The following MGA variants were observed in gnomAD, a reference collection of about 807,000 sequenced individuals.
MGA encodes the protein MAX dimerization protein MGA.
A neutral mutation model predicts 261.1 loss-of-function variants in MGA; 40 were observed. The ratio of observed to expected loss-of-function variants is 0.15; its 90% CI spans 0.12 to 0.20. The LOEUF (loss-of-function observed/expected upper bound fraction) is 0.20. Among genes scored for constraint, MGA ranks in the 10% least tolerant of loss-of-function variants. MGA has a pLI of 1.00. For synonymous variants in MGA, 1,302 were observed against 1,290.6 expected (o/e 1.01, Z -0.19); for missense variants, 3,397 against 3,630.5 (o/e 0.94, Z 1.65).
chr15:41,754,680 C>CT, intron 18 of MGA, 113 bp downstream of exon 18: 2 of 1,249,176 alleles, frequency 1.6e-6, no homozygotes, highest in Admixed American at 6.7e-5. Context: ...CTTCCTCTAG[C>CT]TTTTTTTCTG....
chr15:41,748,547 CTG>C, intron 15 of MGA, 88 bp from the exon 16 acceptor site: 4 of 1,408,794 alleles, frequency 2.8e-6, no homozygotes, highest in South Asian at 2.8e-5. Context: ...CAAAGCAAGA[CTG>C]TGTCTTAAAA....
intron 2 of MGA, chr15:41,691,601 T>C: frequency 2.0e-6 from 1 of 510,980 alleles, no homozygotes; most frequent in South Asian, 1.5e-5. Context: ...ATATTTGTCT[T>C]ATTTGAGAGC....
intron 18 of MGA, among the ~76,000 whole-genome samples, chr15:41,756,664 A>G (rs987434287): frequency 6.6e-6 from 1 of 152,238 alleles, no homozygotes; most frequent in East Asian, 1.9e-4. Flanking sequence ...GGAAATTCAC[A>G]TTGTGGAATA....
upstream of MGA, among the ~76,000 whole-genome samples, chr15:41,656,755 G>A (rs917646543): frequency 6.6e-6 from 1 of 151,852 alleles, no homozygotes; most frequent in Non-Finnish European, 1.5e-5. Context: ...ATATTACTAT[G>A]CTGATTAAGA....
intron 2 of MGA, among the ~76,000 whole-genome samples, chr15:41,672,077 G>A (rs1027684396): frequency 4.6e-5 from 7 of 152,312 alleles, no homozygotes; most frequent in East Asian, 3.9e-4. Flanking sequence ...TTATTGTACC[G>A]TTGGATGATG....
chr15:41,749,899 G>A lies in MGA; in HGVS notation c.6292G>A (p.Val2098Ile), dbSNP rs372762146. The A allele has an allele frequency of 4.5e-5, 73 of 1,613,824 alleles. No individual in the cohort carries two copies. The African/African-American group carries it at 9.1e-4, about 20-fold the overall frequency. ...TTCTGAAAAAGCCAGTAATAAGACA[G>A]TCCAAAATTTAAGTAAAGTACAGCA... Residue 2098 changes from valine (V) to isoleucine (I), a missense_variant, in exon 17 of 24, where the codon GTC becomes ATC. Transcript: ENST00000219905.
chr15:41,649,092 AG>A (rs1197487161), intron 1 of MGA, among the ~76,000 whole-genome samples: 1 of 152,154 alleles, frequency 6.6e-6, no homozygotes, highest in Non-Finnish European at 1.5e-5. Flanking sequence ...GAGGTTAAAA[AG>A]GACATACAGG....
At chr15:41,676,269 AT>A (rs527361853) in intron 2 of MGA, among the ~76,000 whole-genome samples, 28 of 151,802 alleles carry the variant, frequency 1.8e-4, no homozygotes, top group Non-Finnish European at 3.5e-4. Context: ...TGCAACCTCC[AT>A]GTCCTGGGTT....
intron 11 of MGA, 76 bp downstream of exon 11, chr15:41,729,425 G>A: frequency 7.3e-7 from 1 of 1,366,662 alleles, no homozygotes; most frequent in Non-Finnish European, 1.0e-6. Flanking sequence ...ATTACTATCA[G>A]AATAATAATT....
chr15:41,765,123 G>A, intron 23 of MGA, 61 bp downstream of exon 23: 1 of 1,559,912 alleles, frequency 6.4e-7, no homozygotes, highest in Non-Finnish European at 8.8e-7. Flanking sequence ...ATCTCACGGT[G>A]ACCAAGGAAG....
chr15:41,697,524 C>T lies in MGA; in HGVS notation c.2013+501C>T, dbSNP rs1268351667. The stretch of plus-strand genomic sequence containing the variant: ...CTCCGTCTCCCGAGTTCAAGCCATT[C>T]TCGTGCCCCAGCCTCACGAGTAGCT... On this transcript the variant is annotated intron_variant, in intron 3 of 23. Coordinates refer to ENST00000219905, the MANE Select transcript of MGA (RefSeq NM_001164273.2). 2.7e-5 allele frequency among the ~76,000 whole-genome samples: 4 copies of T among 150,644 alleles called. No individual in the cohort carries two copies. In the Admixed American group the frequency reaches 2.7e-4, roughly 10 times the overall value.
chr15:41,632,555 G>A (rs752372812), intron 1 of MGA, among the ~76,000 whole-genome samples: 1 of 152,122 alleles, frequency 6.6e-6, no homozygotes, highest in Non-Finnish European at 1.5e-5. Flanking sequence ...ATACCTTACC[G>A]AAATGGTTAA....
intron 3 of MGA, among the ~76,000 whole-genome samples, chr15:41,698,492 TG>T (rs1320820002): frequency 1.3e-5 from 2 of 152,202 alleles, no homozygotes; most frequent in Non-Finnish European, 2.9e-5. Context: ...ACACAGATGT[TG>T]GATATTTAAT....
intron 22 of MGA, among the ~76,000 whole-genome samples, chr15:41,764,256 T>C (rs1405652482): frequency 1.3e-5 from 2 of 148,722 alleles, no homozygotes; most frequent in Non-Finnish European, 3.0e-5. Flanking sequence ...GTGGGTATTT[T>C]TTTTTTTTTT....
At chr15:41,746,934 A>T (rs1358430641) in intron 15 of MGA, among the ~76,000 whole-genome samples, 2 of 151,204 alleles carry the variant, frequency 1.3e-5, no homozygotes, top group Non-Finnish European at 1.5e-5. Flanking sequence ...ATTTATGCTT[A>T]CTATTACCAT....
At chr15:41,628,861 C>T (rs2056523234) in intron 1 of MGA, among the ~76,000 whole-genome samples, 1 of 152,038 alleles carries the variant, frequency 6.6e-6, no homozygotes, top group Non-Finnish European at 1.5e-5. Flanking sequence ...CGTTGGAGGC[C>T]GGGCACGGTG....
At chr15:41,641,761 T>G (rs1322549879) in intron 1 of MGA, among the ~76,000 whole-genome samples, 1 of 152,086 alleles carries the variant, frequency 6.6e-6, no homozygotes, top group Non-Finnish European at 1.5e-5. Flanking sequence ...GTGTTGGGAT[T>G]ACAGGCATGA....
At chr15:41,675,430 G>C (rs1387698309) in intron 2 of MGA, among the ~76,000 whole-genome samples, 1 of 151,688 alleles carries the variant, frequency 6.6e-6, no homozygotes, top group Non-Finnish European at 1.5e-5. Context: ...CTGGAGTGCA[G>C]TGGCAGGTTC....
intron 7 of MGA, 78 bp from the exon 8 acceptor site, chr15:41,710,613 G>A: frequency 1.5e-6 from 2 of 1,354,558 alleles, no homozygotes; most frequent in African/African-American, 1.5e-5. Context: ...AATATTCTTG[G>A]CCATTTTTAG....
Sources: gnomAD v4.1 joint callset for allele counts (sites outside exome capture counted in the v4.1 genomes callset) on GRCh38, gnomAD v4.1.1 for gene constraint, MANE v1.5 for transcripts, NCBI Gene and HGNC (gene_info 2026-07-23, HGNC 2026-07-21) for gene names.